The following KITLG variants were observed in gnomAD, a reference collection of about 807,000 sequenced individuals.
The protein encoded by KITLG is c-Kit ligand.
A neutral mutation model predicts 34.1 loss-of-function variants in KITLG; 13 were observed. The ratio of observed to expected loss-of-function variants is 0.38; its 90% CI spans 0.25 to 0.61. KITLG has a LOEUF of 0.61. Among genes scored for constraint, KITLG ranks in the 20% least tolerant of loss-of-function variants. KITLG has a pLI of 0.60. For missense variants in KITLG, 292 were observed against 318.9 expected, an observed-to-expected ratio of 0.92 and a Z score of 0.64; for synonymous variants, 110 against 104.0, an observed-to-expected ratio of 1.06 and a Z score of -0.35.
chr12:88,534,656 C>T (rs551707697), intron 2 of KITLG: 60 of 510,856 alleles, frequency 1.2e-4, no homozygotes, highest in South Asian at 7.0e-4. Context: ...CATGAGCCAC[C>T]GTGTCCATTC....
chr12:88,545,458 C>T (rs181936833), intron 2 of KITLG, among the ~76,000 whole-genome samples: 19 of 152,298 alleles, frequency 1.2e-4, no homozygotes, highest in Non-Finnish European at 2.2e-4. Flanking sequence ...CCCATCAGCA[C>T]ACAGCGAACT....
chr12:88,515,706 C>T lies in KITLG; in HGVS notation c.521-89G>A, dbSNP rs531670115. 3.0e-4 allele frequency: 266 copies of T among 899,914 alleles called. 1 individual carries two copies. The African/African-American group carries it at 3.9e-3, about 13-fold the overall frequency. 55.7% of individuals were successfully genotyped at this position (899,914 alleles called of 1,614,324 possible). On this transcript the variant is annotated intron_variant, in intron 5 of 9. Coordinates refer to ENST00000644744, the MANE Select transcript of KITLG (RefSeq NM_000899.5). ...AAAGGTGAAGTGCAATACCAGATTA[C>T]TTGCCAGGTCTGCTTCCCAAATCTA...
intron 1 of KITLG, chr12:88,564,350 GA>G (rs1247196618): frequency 6.6e-6 from 1 of 151,070 alleles, no homozygotes; most frequent in Admixed American, 6.7e-5. Context: ...CTTTGCTGAG[GA>G]ATCAGAAGGG....
At chr12:88,559,044 C>A (rs1040304971) in intron 1 of KITLG, among the ~76,000 whole-genome samples, 1 of 152,084 alleles carries the variant, frequency 6.6e-6, no homozygotes, top group Non-Finnish European at 1.5e-5. Context: ...AACCAAACAC[C>A]CCCTGTTCCC....
chr12:88,565,119 T>C lies in KITLG; in HGVS notation c.15+15145A>G, dbSNP rs148047862. 6.6e-5 allele frequency among the ~76,000 whole-genome samples: 10 copies of C among 152,328 alleles called. No homozygotes were observed. In the East Asian group the frequency reaches 1.9e-3, roughly 29 times the overall value. On this transcript the variant is annotated intron_variant, in intron 1 of 9. Coordinates refer to ENST00000644744, the MANE Select transcript of KITLG (RefSeq NM_000899.5). ...GAATCATCTAAACCCTCTCATATTG[T>C]CATATTTCTGTCTTTCAACTCCTTT... is the stretch of plus-strand genomic sequence containing the variant.
Position 88,516,314 on chromosome 12 carries a change from G to A in KITLG, c.520+20C>T. The A allele has an allele frequency of 6.2e-7, 1 of 1,604,144 alleles. No individual in the cohort carries two copies. The highest frequency in any genetic ancestry group is 8.5e-7 in the Non-Finnish European group (1 of 1,172,540). ...AAGTTTGTTGTTTACATTTGAACTGGAAATGCTTACATGTCTTACCTTTCT... is the reference window on the plus strand; with the variant it reads ...AAGTTTGTTGTTTACATTTGAACTGAAAATGCTTACATGTCTTACCTTTCT... On this transcript the variant is annotated intron_variant, in intron 5 of 9. Transcript: ENST00000644744.
chr12:88,503,717 C>G (rs1173612428), intron 9 of KITLG, among the ~76,000 whole-genome samples: 8 of 152,058 alleles, frequency 5.3e-5, no homozygotes, highest in Admixed American at 5.2e-4. Context: ...ACTCTCCTTT[C>G]TCCCACAATC....
intron 6 of KITLG, among the ~76,000 whole-genome samples, chr12:88,512,225 A>C (rs1191134917): frequency 6.6e-6 from 1 of 152,170 alleles, no homozygotes; most frequent in African/African-American, 2.4e-5. Flanking sequence ...AATTAACTGG[A>C]CATTCTAGAA....
chr12:88,507,192 C>T, intron 6 of KITLG, 55 bp from the exon 7 acceptor site: 1 of 1,122,110 alleles, frequency 8.9e-7, no homozygotes, highest in Non-Finnish European at 1.4e-6. Flanking sequence ...AGAAGTTTTG[C>T]TCTTATGCTG....
chr12:88,537,628 A>G (rs922051099), intron 2 of KITLG, among the ~76,000 whole-genome samples: 2 of 152,118 alleles, frequency 1.3e-5, no homozygotes, highest in African/African-American at 4.8e-5. Context: ...CAAAAATAAT[A>G]GTTGAAAGTA....
intron 1 of KITLG, among the ~76,000 whole-genome samples, chr12:88,571,332 T>G (rs546289526): frequency 1.3e-5 from 2 of 152,326 alleles, no homozygotes; most frequent in South Asian, 4.1e-4. Context: ...GTGCCCATTT[T>G]AAATATTGAG....
chr12:88,556,101 G>A lies in KITLG; in HGVS notation c.16-10236C>T, dbSNP rs1221936451. On this transcript the variant is annotated intron_variant, in intron 1 of 9. Transcript: ENST00000644744. ...GGGGCAGCCAACTCAAAGTTAGTGA[G>A]GGAGAAGACCCCTGAGAGAGGAAGT... is the stretch of plus-strand genomic sequence containing the variant. Among the ~76,000 whole-genome samples the A allele has an allele frequency of 4.6e-5, 7 of 152,008 alleles. No homozygotes were observed. The East Asian group carries it at 1.4e-3, about 29-fold the overall frequency.
chr12:88,572,785 T>A (rs1344725502), intron 1 of KITLG, among the ~76,000 whole-genome samples: 1 of 152,026 alleles, frequency 6.6e-6, no homozygotes, highest in Non-Finnish European at 1.5e-5. Flanking sequence ...TCATTTTGTT[T>A]AGTTCCCACT....
At chr12:88,534,909 A>T (rs1870252657) in intron 2 of KITLG, 3 of 268,538 alleles carry the variant, frequency 1.1e-5, no homozygotes, top group South Asian at 3.4e-5. Context: ...CAGATGTGAA[A>T]GCGATAAGTA....
At chr12:88,538,923 C>A (rs1473654093) in intron 2 of KITLG, among the ~76,000 whole-genome samples, 3 of 152,216 alleles carry the variant, frequency 2.0e-5, no homozygotes, top group East Asian at 1.9e-4. Flanking sequence ...AGGTGGGAAC[C>A]ATTTACTGTC....
intron 1 of KITLG, among the ~76,000 whole-genome samples, chr12:88,579,561 A>G (rs1290859566): frequency 6.6e-6 from 1 of 152,162 alleles, no homozygotes; most frequent in Non-Finnish European, 1.5e-5. Context: ...CTCAATCACT[A>G]TCATTCAGAG....
intron 3 of KITLG, among the ~76,000 whole-genome samples, chr12:88,528,720 T>C (rs1351132402): frequency 1.3e-5 from 2 of 152,154 alleles, no homozygotes; most frequent in African/African-American, 4.8e-5. Flanking sequence ...AAAACACACA[T>C]GCATACATAG....
intron 9 of KITLG, among the ~76,000 whole-genome samples, chr12:88,498,461 A>T (rs1868724273): frequency 6.6e-6 from 1 of 152,216 alleles, no homozygotes; most frequent in Admixed American, 6.5e-5. Context: ...AACTTCAGAA[A>T]TCCAAAATAT....
At chr12:88,564,489 G>T (rs1323581200) in intron 1 of KITLG, 2 of 152,168 alleles carry the variant, frequency 1.3e-5, no homozygotes, top group Non-Finnish European at 2.9e-5. Flanking sequence ...TTCACTAAAT[G>T]AAATTTAAGA....
Sources: gnomAD v4.1 joint callset for allele counts (sites outside exome capture counted in the v4.1 genomes callset) on GRCh38, gnomAD v4.1.1 for gene constraint, MANE v1.5 for transcripts, NCBI Gene and HGNC (gene_info 2026-07-23, HGNC 2026-07-21) for gene names.